Variants in PRKAG2 observed in about 807,000 individuals in gnomAD.
PRKAG2 encodes the protein protein kinase AMP-activated non-catalytic subunit gamma 2.
PRKAG2 carries 26 observed loss-of-function variants against 69.6 expected under a neutral mutation model. That is an observed-to-expected ratio of 0.37 (90% CI 0.27 to 0.52). The LOEUF (loss-of-function observed/expected upper bound fraction) is 0.52. Among genes scored for constraint, PRKAG2 ranks in the 20% least tolerant of loss-of-function variants. The pLI is 0.90. For synonymous variants in PRKAG2, 293 were observed against 285.0 expected, an observed-to-expected ratio of 1.03 and a Z score of -0.28; for missense variants, 557 against 740.0, an observed-to-expected ratio of 0.75 and a Z score of 2.87.
chr7:151,797,445 C>T (rs1409933196), intron 1 of PRKAG2, among the ~76,000 whole-genome samples: 3 of 152,116 alleles, frequency 2.0e-5, no homozygotes, highest in South Asian at 2.1e-4. Flanking sequence ...CACCTCTGAA[C>T]GAGGGCTCAG....
In PRKAG2 at chr7:151,576,293, C is replaced by T. The variant is rs567664163; in HGVS notation, c.946+78G>A. On this transcript the variant is annotated intron_variant, in intron 7 of 15. Coordinates refer to ENST00000287878, the MANE Select transcript of PRKAG2 (RefSeq NM_016203.4). The stretch of plus-strand genomic sequence containing the variant: ...ATGTTTACTAGGTTGAATTCCAAAC[C>T]GGCATCTATTAAAATACTTTAGGCT... The T allele has an allele frequency of 7.5e-4, 953 of 1,269,756 alleles. 7 individuals are homozygous for T. The Middle Eastern group carries it at 0.018, about 25-fold the overall frequency. The allele number at this position is 1,269,756 out of a possible 1,614,324, so 78.7% of individuals were successfully genotyped here. A position where few individuals can be genotyped will look rare whatever the true frequency, so the allele number is the denominator to read the frequency against.
In PRKAG2 at chr7:151,802,949, G is replaced by GATACT. The variant is rs141448499; in HGVS notation, c.115-16409_115-16408insAGTAT. Among the ~76,000 whole-genome samples the GATACT allele has an allele frequency of 8.5e-3, 874 of 103,042 alleles. 4 individuals are homozygous for GATACT. The highest frequency in any genetic ancestry group is 0.012 in the Non-Finnish European group (607 of 52,324). The allele number at this position is 103,042 out of a possible 152,430, so 67.6% of individuals were successfully genotyped here. A position where few individuals can be genotyped will look rare whatever the true frequency, so the allele number is the denominator to read the frequency against. The stretch of plus-strand genomic sequence containing the variant: ...TATATGATATATATATAAGCAATAT[G>GATACT]ATATATATATATATTTTTTTTTTTT... On this transcript the variant is annotated intron_variant, in intron 1 of 15. Coordinates refer to ENST00000287878, the MANE Select transcript of PRKAG2 (RefSeq NM_016203.4).
intron 1 of PRKAG2, among the ~76,000 whole-genome samples, chr7:151,861,527 C>CAAAAAAAAAAAAAAAAAAAAAA (rs1563762540): frequency 3.3e-5 from 2 of 60,396 alleles, no homozygotes; most frequent in African/African-American, 1.4e-4. Flanking sequence ...GACTCTGTCT[C>CAAAAAAAAAAAAAAAAAAAAAA]CAAAAAAAAA....
chr7:151,575,678 C>T (rs1015298501), intron 7 of PRKAG2, among the ~76,000 whole-genome samples: 5 of 152,100 alleles, frequency 3.3e-5, no homozygotes, highest in Non-Finnish European at 5.9e-5. Context: ...GAGATGAGTG[C>T]GGGGCCCAGG....
At chr7:151,725,160 A>G (rs1797731201) in intron 3 of PRKAG2, among the ~76,000 whole-genome samples, 1 of 152,110 alleles carries the variant, frequency 6.6e-6, no homozygotes, top group Non-Finnish European at 1.5e-5. Flanking sequence ...CGACGCATGA[A>G]CAAAATGGGG....
At chr7:151,816,127 TG>T (rs953077870) in intron 1 of PRKAG2, among the ~76,000 whole-genome samples, 1 of 152,084 alleles carries the variant, frequency 6.6e-6, no homozygotes. Flanking sequence ...GCTGGGACTT[TG>T]GGGGGCCTCT....
At chr7:151,672,292 G>T (rs912381126) in intron 4 of PRKAG2, among the ~76,000 whole-genome samples, 2 of 151,406 alleles carry the variant, frequency 1.3e-5, no homozygotes, top group African/African-American at 4.9e-5. Context: ...TAGGAGAGAC[G>T]GGGCTTCACC....
At position 151,756,971 on chromosome 7, in the gene PRKAG2, C is replaced by A. The variant is rs540862984; in HGVS notation, c.466+24181G>T. 2.0e-5 allele frequency among the ~76,000 whole-genome samples: 3 copies of A among 152,184 alleles called. No homozygotes were observed. Among genetic ancestry groups the A allele is most frequent in the African/African-American group, 7.2e-5 (3 of 41,446 alleles). ...CGCTGCGATTCGGGGGAGTAACCAG[C>A]GGTGAGCTTCAGGCCTAAATGCTGG... On this transcript the variant is annotated intron_variant, in intron 3 of 15. Coordinates refer to ENST00000287878, the MANE Select transcript of PRKAG2 (RefSeq NM_016203.4). The surrounding 1 kb of genome is among the most constrained non-coding windows in gnomAD (Gnocchi z 4.9).
At chr7:151,687,562 G>A (rs534559487) in intron 3 of PRKAG2, among the ~76,000 whole-genome samples, 1 of 152,196 alleles carries the variant, frequency 6.6e-6, no homozygotes, top group African/African-American at 2.4e-5. Flanking sequence ...TGATAGTCTG[G>A]AATGGGCCAG....
chr7:151,814,888 G>A lies in PRKAG2; in HGVS notation c.115-28347C>T. 3 of 1,231,348 alleles carry A rather than the reference G, an allele frequency of 2.4e-6. No individual in the cohort carries two copies. The highest frequency in any genetic ancestry group is 1.5e-5 in the African/African-American group (1 of 64,554). 76.3% of individuals were successfully genotyped at this position (1,231,348 alleles called of 1,614,324 possible). Reference sequence around the variant, plus strand: ...GAGGAAACTCCTTACCACACAGCAAGCCAGCAGGAGGGAGGGCTGGACCGG... The same window carrying A: ...GAGGAAACTCCTTACCACACAGCAAACCAGCAGGAGGGAGGGCTGGACCGG... On this transcript the variant is annotated intron_variant, in intron 1 of 15. Coordinates refer to ENST00000287878, the MANE Select transcript of PRKAG2 (RefSeq NM_016203.4). The surrounding 1 kb of genome is among the most constrained non-coding windows in gnomAD (Gnocchi z 4.8).
chr7:151,842,248 A>AGGGATGGTAGTGATGGTAGGTG lies in PRKAG2; in HGVS notation c.114+34258_114+34259insCACCTACCATCACTACCATCCC, dbSNP rs1345380737. 1.0e-4 allele frequency among the ~76,000 whole-genome samples: 11 copies of AGGGATGGTAGTGATGGTAGGTG among 105,832 alleles called. 4 individuals carry two copies. The highest frequency in any genetic ancestry group is 3.7e-4 in the African/African-American group (9 of 24,452). 69.4% of individuals were successfully genotyped at this position (105,832 alleles called of 152,430 possible). A position where few individuals can be genotyped will look rare whatever the true frequency, so the allele number is the denominator to read the frequency against. On this transcript the variant is annotated intron_variant, in intron 1 of 15. Coordinates refer to ENST00000287878, the MANE Select transcript of PRKAG2 (RefSeq NM_016203.4). ...AGTGATGATGGTAGCAATGGTAGGT[A>AGGGATGGTAGTGATGGTAGGTG]GGGATGGTAGTGATGGTAGGTAGTG...
chr7:151,865,684 A>T (rs990377476), intron 1 of PRKAG2, among the ~76,000 whole-genome samples: 1 of 152,212 alleles, frequency 6.6e-6, no homozygotes, highest in East Asian at 1.9e-4. Context: ...AGAAGCAAAA[A>T]CAACAAACTG....
intron 4 of PRKAG2, among the ~76,000 whole-genome samples, chr7:151,673,838 C>CTTTTTTTTTTTT (rs57744338): frequency 2.3e-5 from 2 of 87,590 alleles, no homozygotes; most frequent in African/African-American, 4.5e-5. Context: ...AGCTTGTGTT[C>CTTTTTTTTTTTT]TTTTTTTTTT....
chr7:151,713,317 C>G (rs955920952), intron 3 of PRKAG2, among the ~76,000 whole-genome samples: 1 of 152,194 alleles, frequency 6.6e-6, no homozygotes, highest in East Asian at 1.9e-4. Flanking sequence ...TCTTTCCCCC[C>G]ACCCAAAGCA....
At chr7:151,753,982 G>T (rs1446600488) in intron 3 of PRKAG2, among the ~76,000 whole-genome samples, 1 of 152,142 alleles carries the variant, frequency 6.6e-6, no homozygotes, top group East Asian at 1.9e-4. Context: ...TCGCACCACT[G>T]CACTCCAGCC....
intron 4 of PRKAG2, among the ~76,000 whole-genome samples, chr7:151,635,696 G>T (rs1274437490): frequency 6.6e-6 from 1 of 152,092 alleles, no homozygotes; most frequent in Non-Finnish European, 1.5e-5. Flanking sequence ...GGGGTAGGGG[G>T]CCAGAGGTGC....
chr7:151,563,494 T>C (rs1046366062), intron 14 of PRKAG2, among the ~76,000 whole-genome samples: 1 of 152,232 alleles, frequency 6.6e-6, no homozygotes, highest in East Asian at 1.9e-4. Context: ...TTACGCACTT[T>C]AAATTTTGAA....
At chr7:151,626,769 G>C (rs1362237) in intron 5 of PRKAG2, among the ~76,000 whole-genome samples, 108,997 of 147,068 alleles carry the variant, frequency 0.74, 40,323 homozygotes, top group Non-Finnish European at 0.79. Flanking sequence ...TCTAAGCCTT[G>C]TTTTCATTAT....
chr7:151,770,157 G>T (rs560080497), intron 3 of PRKAG2, among the ~76,000 whole-genome samples: 2 of 152,124 alleles, frequency 1.3e-5, no homozygotes, highest in Admixed American at 1.3e-4. Flanking sequence ...GTCTGATGCT[G>T]CCCCTTCCTT....
Sources: gnomAD v4.1 joint callset for allele counts (sites outside exome capture counted in the v4.1 genomes callset) on GRCh38, gnomAD v4.1.1 for gene constraint, Gnocchi (gnomAD v3.1) non-coding constraint, MANE v1.5 for transcripts, NCBI Gene and HGNC (gene_info 2026-07-23, HGNC 2026-07-21) for gene names.